PTPRT: variants seen among roughly 807,000 people sequenced by gnomAD.
The protein encoded by PTPRT is receptor-type tyrosine-protein phosphatase T.
In PTPRT, 56 loss-of-function variants were observed where a neutral mutation model predicts 176.8. The observed-to-expected ratio is 0.32, with a 90% CI of 0.26 to 0.40. PTPRT has a LOEUF of 0.40. Ranked by LOEUF, PTPRT falls within the 10% of genes least tolerant of loss-of-function variation. The pLI, the probability that PTPRT is intolerant of heterozygous loss-of-function variation, is 1.00. For synonymous variants in PTPRT, 783 were observed against 739.0 expected, an observed-to-expected ratio of 1.06 and a Z score of -0.96; for missense variants, 1,540 against 1,908.2, an observed-to-expected ratio of 0.81 and a Z score of 3.60.
At chr20:42,715,413 T>A (rs975204740) in intron 6 of PTPRT, among the ~76,000 whole-genome samples, 3 of 151,980 alleles carry the variant, frequency 2.0e-5, no homozygotes, top group African/African-American at 7.3e-5. Flanking sequence ...TTAAAGAAAA[T>A]TGGATATAAT....
intron 8 of PTPRT, among the ~76,000 whole-genome samples, chr20:42,470,364 C>T (rs533973876): frequency 2.1e-3 from 313 of 152,278 alleles, no homozygotes; most frequent in African/African-American, 7.3e-3. Context: ...GCTCAGGTTG[C>T]AGCCAGTTTT....
chr20:42,632,823 C>T (rs1378648777), intron 7 of PTPRT, among the ~76,000 whole-genome samples: 2 of 151,998 alleles, frequency 1.3e-5, no homozygotes, highest in African/African-American at 4.8e-5. Context: ...TGACATAGGG[C>T]TAGCACTTAA....
chr20:42,661,492 T>C (rs892703461), intron 7 of PTPRT, among the ~76,000 whole-genome samples: 2 of 151,998 alleles, frequency 1.3e-5, no homozygotes, highest in Non-Finnish European at 2.9e-5. Context: ...AGTATAAAGA[T>C]GAAGAAGATA....
At chr20:42,150,864 T>G (rs898520516) in intron 17 of PTPRT, among the ~76,000 whole-genome samples, 2 of 152,148 alleles carry the variant, frequency 1.3e-5, no homozygotes, top group Non-Finnish European at 2.9e-5. Flanking sequence ...TTATTAAAAC[T>G]CATAAAACTG....
chr20:42,955,963 T>C (rs1981606883), intron 1 of PTPRT, among the ~76,000 whole-genome samples: 1 of 152,118 alleles, frequency 6.6e-6, no homozygotes, highest in Non-Finnish European at 1.5e-5. Flanking sequence ...CACACGGCAG[T>C]GTGGAAGCCC....
chr20:43,057,090 G>C (rs1318349547), intron 1 of PTPRT, among the ~76,000 whole-genome samples: 1 of 151,726 alleles, frequency 6.6e-6, no homozygotes, highest in African/African-American at 2.4e-5. Context: ...TGTAGTGATA[G>C]AAAACAGATC....
chr20:42,953,431 G>T (rs886347822), intron 1 of PTPRT, among the ~76,000 whole-genome samples: 2 of 152,218 alleles, frequency 1.3e-5, no homozygotes, highest in African/African-American at 4.8e-5. Context: ...CCCTGCCATG[G>T]TACCCACTGC....
intron 7 of PTPRT, among the ~76,000 whole-genome samples, chr20:42,531,820 C>T (rs534127734): frequency 5.9e-5 from 9 of 152,260 alleles, no homozygotes; most frequent in Admixed American, 1.3e-4. Flanking sequence ...TAGAGGAAAC[C>T]GCAGACCTCA....
intron 8 of PTPRT, among the ~76,000 whole-genome samples, chr20:42,455,320 A>G (rs2070902695): frequency 6.6e-6 from 1 of 152,184 alleles, no homozygotes; most frequent in South Asian, 2.1e-4. Flanking sequence ...ACTGTTCTAG[A>G]ACTCAGTTAT....
intron 11 of PTPRT, among the ~76,000 whole-genome samples, chr20:42,331,447 C>T (rs964690870): frequency 8.6e-5 from 13 of 151,410 alleles, no homozygotes; most frequent in African/African-American, 2.7e-4. Context: ...ATAATACCAT[C>T]TGAAATCAAT....
intron 3 of PTPRT, among the ~76,000 whole-genome samples, chr20:42,785,437 A>C (rs208254): frequency 0.38 from 57,255 of 152,050 alleles, 11,273 homozygotes; most frequent in Non-Finnish European, 0.43. Flanking sequence ...GGTCTGGTGA[A>C]TTTTAAAACC....
chr20:43,177,679 C>T (rs2015153116), intron 1 of PTPRT, among the ~76,000 whole-genome samples: 2 of 152,120 alleles, frequency 1.3e-5, no homozygotes, highest in African/African-American at 4.8e-5. Flanking sequence ...TACACAAAGA[C>T]ATTTAAATAT....
At chr20:42,733,953 T>C (rs1367898094) in intron 6 of PTPRT, among the ~76,000 whole-genome samples, 2 of 152,170 alleles carry the variant, frequency 1.3e-5, no homozygotes, top group Non-Finnish European at 2.9e-5. Flanking sequence ...GGAGGTCCTA[T>C]GGTCAGCTCA....
intron 2 of PTPRT, among the ~76,000 whole-genome samples, chr20:42,844,985 A>C (rs1160707843): frequency 6.6e-6 from 1 of 152,120 alleles, no homozygotes; most frequent in East Asian, 1.9e-4. Flanking sequence ...GCCCTCTGGG[A>C]GTGGCTAGTG....
rs537618533 is a variant in PTPRT at position 42,221,478 on chromosome 20, AG to A, written c.2342+14750del. Among the ~76,000 whole-genome samples, 365 of 152,078 alleles carry A rather than the reference AG, an allele frequency of 2.4e-3. 3 individuals are homozygous for A. The highest frequency in any genetic ancestry group is 0.01 in the Middle Eastern group (3 of 292). ...CATGACAGAAAGCAAAGGGGAAGCA[AG>A]GCATATCTTACATGGTGGCAGGAGA... On this transcript the variant is annotated intron_variant, in intron 15 of 30. Transcript: ENST00000373187.
intron 2 of PTPRT, among the ~76,000 whole-genome samples, chr20:42,845,622 G>A (rs908972147): frequency 1.3e-5 from 2 of 152,152 alleles, no homozygotes; most frequent in Admixed American, 1.3e-4. Flanking sequence ...CCCACCTGCT[G>A]CACAAGCAAT....
chr20:42,383,713 G>A (rs530802919), intron 9 of PTPRT, among the ~76,000 whole-genome samples: 2 of 152,106 alleles, frequency 1.3e-5, no homozygotes, highest in Admixed American at 6.6e-5. Flanking sequence ...ATCATGTGTA[G>A]GGCCAAGGCT....
At chr20:42,953,988 C>T (rs1163542193) in intron 1 of PTPRT, among the ~76,000 whole-genome samples, 1 of 152,064 alleles carries the variant, frequency 6.6e-6, no homozygotes, top group Non-Finnish European at 1.5e-5. Flanking sequence ...CCCTGGATGG[C>T]TATATCACAG....
At chr20:42,606,915 T>C (rs981265448) in intron 7 of PTPRT, 1 of 152,184 alleles carries the variant, frequency 6.6e-6, no homozygotes, top group Non-Finnish European at 1.5e-5. Context: ...CATAGCTAAA[T>C]TTTCATCACA....
Sources: allele counts gnomAD v4.1 joint callset (sites outside exome capture counted in the v4.1 genomes callset), GRCh38; gene constraint gnomAD v4.1.1; transcripts MANE v1.5; gene names NCBI Gene and HGNC (gene_info 2026-07-23, HGNC 2026-07-21).